ASPM: variants seen among roughly 807,000 people sequenced by gnomAD.
The protein encoded by ASPM is assembly factor for spindle microtubules.
In ASPM, 256 loss-of-function variants were observed where a neutral mutation model predicts 366.4. That is an observed-to-expected ratio of 0.70 (90% CI 0.63 to 0.77). ASPM has a LOEUF of 0.77. ASPM is among the 30% of genes least tolerant of loss of function. The pLI is 0.00. For synonymous variants in ASPM, 1,414 were observed against 1,342.9 expected, an observed-to-expected ratio of 1.05 and a Z score of -1.16; for missense variants, 4,146 against 4,090.4, an observed-to-expected ratio of 1.01 and a Z score of -0.37.
At chr1:197,124,056 T>C in intron 13 of ASPM, 54 bp downstream of exon 13, 1 of 1,461,908 alleles carries the variant, frequency 6.8e-7, no homozygotes, top group Non-Finnish European at 9.4e-7. Flanking sequence ...TAAGTGACTT[T>C]CATCAAAATT....
Position 197,101,608 on chromosome 1 carries a change from T to C in ASPM, c.7643A>G (p.Gln2548Arg). 6.2e-7 allele frequency: 1 copy of C among 1,610,888 alleles called. No homozygotes were observed. The highest frequency in any genetic ancestry group is 8.5e-7 in the Non-Finnish European group (1 of 1,178,934). Residue 2548 changes from glutamine to arginine, a missense_variant, in exon 18 of 28, where the codon CAA becomes CGA. By Grantham distance (43) the Gln-to-Arg change is conservative. Around this residue, in one of 3 missense-constraint regions of ASPM, gnomAD observed 3,624 missense variants for 3,591.7 expected, o/e 1.01. Transcript: ENST00000367409. ...QAAYKGMKAR[Q>R]LLREKHKASI... ...AGCTTTGTGTTTTTCCCTTAAAAGT[T>C]GTCTTGCTTTCATTCCTTTATATGC...
At position 197,122,495 on chromosome 1, in the gene ASPM, C is replaced by G; in HGVS notation, c.3491G>C (p.Arg1164Pro). ...CGTACATTCCACAGTTTGAGTAGTA[C>G]GCTGACATATAGCGTCAAATGGCAC... is the stretch of plus-strand genomic sequence containing the variant. Reference protein sequence around the residue: ...CYVPFDAICQRTTQTVECTQT... With the variant: ...CYVPFDAICQPTTQTVECTQT... Residue 1164 changes from arginine (R) to proline (P), a missense_variant, in exon 14 of 28, where the codon CGT becomes CCT. Coordinates refer to ENST00000367409, the MANE Select transcript of ASPM (RefSeq NM_018136.5). 6.2e-7 allele frequency: 1 copy of G among 1,613,572 alleles called. No individual in the cohort carries two copies. Among genetic ancestry groups the G allele is most frequent in the East Asian group, 2.2e-5 (1 of 44,870 alleles).
intron 17 of ASPM, among the ~76,000 whole-genome samples, chr1:197,111,850 A>G (rs1657596048): frequency 6.6e-6 from 1 of 152,160 alleles, no homozygotes; most frequent in Non-Finnish European, 1.5e-5. Context: ...TATTACTAAA[A>G]AGTCAAAAAG....
At chr1:197,111,189 T>G (rs1657572073) in intron 17 of ASPM, among the ~76,000 whole-genome samples, 1 of 151,958 alleles carries the variant, frequency 6.6e-6, no homozygotes. Context: ...AAACAATGTA[T>G]CTAACAAAGG....
intron 18 of ASPM, among the ~76,000 whole-genome samples, chr1:197,096,655 C>T (rs1347363406): frequency 6.6e-6 from 1 of 151,762 alleles, no homozygotes; most frequent in African/African-American, 2.4e-5. Flanking sequence ...CTGATTTTGA[C>T]AACCTTCTGG....
At position 197,129,965 on chromosome 1, in the gene ASPM, T is replaced by G. The variant is rs1298705190; in HGVS notation, c.2579A>C (p.Asp860Ala). Residue 860 changes from aspartate (D) to alanine (A), a missense_variant, in exon 8 of 28, where the codon GAT (aspartate) becomes GCT (alanine). Physicochemically the swap from Asp to Ala is moderately radical, Grantham distance 126 (BLOSUM62 -2). Transcript: ENST00000367409. ...FILNRLLWNPDIAAEYRHPTV... is the reference protein window; with the variant it reads ...FILNRLLWNPAIAAEYRHPTV... ...GGGGTGTCTATACTCAGCTGCTATA[T>G]CAGGATTCCAAAGTAGGCGATTCAG... The G allele has an allele frequency of 1.2e-6, 2 of 1,613,852 alleles. No individual in the cohort carries two copies. Among genetic ancestry groups the G allele is most frequent in the African/African-American group, 2.7e-5 (2 of 74,910 alleles).
rs772752986 is a variant in ASPM, at chr1:197,100,761, TG to T, written c.8489del (p.Thr2830LysfsTer108). On this transcript the variant is annotated frameshift_variant, in exon 18 of 28. Transcript: ENST00000367409. LOFTEE classifies it high-confidence loss of function. ...TIQKAFCRMV[T>X]RKLETQKCAA... ...CACATTTCTGTGTTTCCAGTTTTCT[TG>T]TGACCATTCTACAAAAAGCTTTTTG... The T allele has an allele frequency of 6.2e-7, 1 of 1,612,512 alleles. No homozygotes were observed. The highest frequency in any genetic ancestry group is 1.7e-5 in the Admixed American group (1 of 59,740).
intron 25 of ASPM, 96 bp downstream of exon 25, chr1:197,089,834 A>G: frequency 8.6e-7 from 1 of 1,167,572 alleles, no homozygotes; most frequent in Non-Finnish European, 1.3e-6. Flanking sequence ...AATTTAACTT[A>G]GAGATTTAAG....
Position 197,139,376 on chromosome 1 carries a change from C to A in ASPM, c.2026+391G>T, listed in dbSNP as rs115890991. On this transcript the variant is annotated intron_variant, in intron 4 of 27. Coordinates refer to ENST00000367409, the MANE Select transcript of ASPM (RefSeq NM_018136.5). Reference sequence around the variant, plus strand: ...CCCTGGGAGGCGAGGGGAGGGATCACGAGGTCAGGAGATTGCCCGACCACC... The same window carrying A: ...CCCTGGGAGGCGAGGGGAGGGATCAAGAGGTCAGGAGATTGCCCGACCACC... 2.2e-3 allele frequency: 1,291 copies of A among 588,246 alleles called. 13 individuals are homozygous for A. In the African/African-American group the frequency reaches 0.022, roughly 10 times the overall value. The allele number at this position is 588,246 out of a possible 1,614,324, so 36.4% of individuals were successfully genotyped here. A position where few individuals can be genotyped will look rare whatever the true frequency, so the allele number is the denominator to read the frequency against.
At chr1:197,145,059 A>C (rs1285092163) in intron 1 of ASPM, among the ~76,000 whole-genome samples, 1 of 152,092 alleles carries the variant, frequency 6.6e-6, no homozygotes, top group African/African-American at 2.4e-5. Context: ...TTCATGAAAC[A>C]GAGGGGCGGG....
intron 10 of ASPM, 77 bp downstream of exon 10, chr1:197,128,413 A>G (rs940589109): frequency 3.5e-5 from 50 of 1,433,032 alleles, no homozygotes; most frequent in Non-Finnish European, 4.8e-5. Flanking sequence ...GCAAGATTGA[A>G]TAATTACAAA....
Position 197,146,644 on chromosome 1 carries a change from C to A in ASPM, c.-207G>T. The A allele has an allele frequency of 1.6e-6, 1 of 622,800 alleles. No homozygotes were observed. The highest frequency in any genetic ancestry group is 2.8e-6 in the Non-Finnish European group (1 of 358,492). 38.6% of individuals were successfully genotyped at this position (622,800 alleles called of 1,614,324 possible). The stretch of plus-strand genomic sequence containing the variant: ...TAAACTCGCAAATTAAAAAGAGGAG[C>A]CAAACAAGTATGGCGTTTTGACTCT... On this transcript the variant is annotated 5_prime_UTR_variant, in exon 1 of 28. Transcript: ENST00000367409.
rs149330414 is a variant in ASPM, at chr1:197,124,256, T to C, written c.3244A>G (p.Thr1082Ala). ...GAATGGCATGATAGTAGAGATATTG[T>C]TTTCTTTATACTCTTTGTGTGTTTT... is the stretch of plus-strand genomic sequence containing the variant. The part of the protein sequence containing the change: ...FLKHTKSIKK[T>A]ISLLSCHSDD... Residue 1082 changes from threonine to alanine, a missense_variant, in exon 13 of 28, where the codon ACA becomes GCA. By Grantham distance (58) the Thr-to-Ala change is moderately conservative. This residue lies in a region of ASPM where 3,624 missense variants were observed against 3,591.7 expected (regional missense o/e 1.01). Coordinates refer to ENST00000367409, the MANE Select transcript of ASPM (RefSeq NM_018136.5). 144 of 1,608,406 alleles carry C rather than the reference T, an allele frequency of 9.0e-5. No homozygotes were observed. Among genetic ancestry groups the C allele is most frequent in the Non-Finnish European group, 1.2e-4 (143 of 1,175,496 alleles).
rs1344576492 is a variant in ASPM at position 197,090,375 on chromosome 1, C to T, written c.9650G>A (p.Gly3217Asp). 4 of 1,608,880 alleles carry T rather than the reference C, an allele frequency of 2.5e-6. No individual in the cohort carries two copies. In the South Asian group the frequency reaches 4.4e-5, roughly 18 times the overall value. ...GIIKIQALWR[G>D]YSWRKKNDCT... ...ATCATTTTTCTTCCTCCAAGAATAG[C>T]CTCTCCATAATGCCTTAAAGAGATA... The change falls in exon 24 of 28, where the codon GGC becomes GAC. Residue 3217 changes from glycine (G) to aspartate (D), a missense_variant. Transcript: ENST00000367409.
Position 197,124,250 on chromosome 1 carries a change from A to C in ASPM, c.3250T>G (p.Ser1084Ala), listed in dbSNP as rs771684886. 4.2e-5 allele frequency: 67 copies of C among 1,608,502 alleles called. No homozygotes were observed. Among genetic ancestry groups the C allele is most frequent in the Non-Finnish European group, 5.5e-5 (65 of 1,175,614 alleles). The change falls in exon 13 of 28, where the codon TCT becomes GCT. Residue 1084 changes from serine to alanine, a missense_variant. By Grantham distance (99) the Ser-to-Ala change is moderately conservative (BLOSUM62 1). Around this residue, in one of 3 missense-constraint regions of ASPM, gnomAD observed 3,624 missense variants for 3,591.7 expected, o/e 1.01. Coordinates refer to ENST00000367409, the MANE Select transcript of ASPM (RefSeq NM_018136.5). ...KHTKSIKKTI[S>A]LLSCHSDDLI... Reference sequence around the variant, plus strand: ...TCATCAGAATGGCATGATAGTAGAGATATTGTTTTCTTTATACTCTTTGTG... The same window carrying C: ...TCATCAGAATGGCATGATAGTAGAGCTATTGTTTTCTTTATACTCTTTGTG...
chr1:197,088,099 G>C (rs890030832), intron 26 of ASPM, 157 bp downstream of exon 26: 1 of 712,166 alleles, frequency 1.4e-6, no homozygotes, highest in Non-Finnish European at 2.3e-6. Flanking sequence ...ACAACTCATA[G>C]ATACATCCTG....
In ASPM at chr1:197,143,567, T is replaced by C. The variant is rs757654902; in HGVS notation, c.685A>G (p.Asn229Asp). ...IPISPISPAF[N>D]ECHGATCLPL... ...AAGCAAGTTGCACCATGGCATTCAT[T>C]GAAAGCAGGGCTAATAGGTGATATG... The change falls in exon 3 of 28, where the codon AAT becomes GAT. Residue 229 changes from asparagine (N) to aspartate (D), a missense_variant. Coordinates refer to ENST00000367409, the MANE Select transcript of ASPM (RefSeq NM_018136.5). The C allele has an allele frequency of 2.1e-5, 34 of 1,613,568 alleles. No individual in the cohort carries two copies. The highest frequency in any genetic ancestry group is 1.6e-4 in the Middle Eastern group (1 of 6,084).
chr1:197,138,333 G>A (rs995600795), intron 4 of ASPM, among the ~76,000 whole-genome samples: 4 of 152,022 alleles, frequency 2.6e-5, no homozygotes, highest in Non-Finnish European at 4.4e-5. Flanking sequence ...ATGGAGTCCC[G>A]CCCTTGTCGC....
At chr1:197,140,343 A>G (rs972319823) in intron 3 of ASPM, among the ~76,000 whole-genome samples, 5 of 152,262 alleles carry the variant, frequency 3.3e-5, no homozygotes, top group Non-Finnish European at 7.3e-5. Context: ...GATGAAGCAA[A>G]GAATACACGT....
Sources: allele counts gnomAD v4.1 joint callset (sites outside exome capture counted in the v4.1 genomes callset), GRCh38; gene constraint gnomAD v4.1.1; regional missense constraint gnomAD v4.1.1; transcripts MANE v1.5; gene names NCBI Gene and HGNC (gene_info 2026-07-23, HGNC 2026-07-21).